The following MARK3 variants were observed in gnomAD, a reference collection of about 807,000 sequenced individuals.
The protein encoded by MARK3 is MAP/microtubule affinity-regulating kinase 3.
In MARK3, 46 loss-of-function variants were observed where a neutral mutation model predicts 90.1. The ratio of observed to expected loss-of-function variants is 0.51; its 90% confidence interval spans 0.40 to 0.65. The LOEUF (loss-of-function observed/expected upper bound fraction) is 0.65. Ranked by LOEUF, MARK3 falls within the 30% of genes least tolerant of loss-of-function variation. The pLI is 0.00. For synonymous variants in MARK3, 321 were observed against 332.6 expected, an observed-to-expected ratio of 0.97 and a Z score of 0.38; for missense variants, 818 against 947.2, an observed-to-expected ratio of 0.86 and a Z score of 1.79.
chr14:103,393,559 T>G (rs1367567607), intron 1 of MARK3, among the ~76,000 whole-genome samples: 1 of 152,202 alleles, frequency 6.6e-6, no homozygotes, highest in Non-Finnish European at 1.5e-5. Context: ...TTATCTTATG[T>G]ATGTAAATGA....
rs1555396272 is a variant in MARK3 at position 103,470,453 on chromosome 14, C to CTTTTTTTTTTTTTTTTT, written c.1264+2268_1264+2269insTTTTTTTTTTTTTTTTT. ...CTATTCCAGGATTCAGGAACTAAATCTATTTTTTTTTTTTTTTTTGAGATG... is the reference window on the plus strand; with the variant it reads ...CTATTCCAGGATTCAGGAACTAAATCTTTTTTTTTTTTTTTTTTATTTTTTTTTTTTTTTTTGAGATG... On this transcript the variant is annotated intron_variant, in intron 12 of 17. Transcript: ENST00000429436. Among the ~76,000 whole-genome samples, 155 of 24,116 alleles carry CTTTTTTTTTTTTTTTTT rather than the reference C, an allele frequency of 6.4e-3. 3 individuals carry two copies. Among genetic ancestry groups the CTTTTTTTTTTTTTTTTT allele is most frequent in the East Asian group, 0.022 (9 of 402 alleles). The allele number at this position is 24,116 out of a possible 152,430, so 15.8% of individuals were successfully genotyped here.
intron 2 of MARK3, among the ~76,000 whole-genome samples, chr14:103,406,449 C>G (rs1370657815): frequency 6.7e-6 from 1 of 149,414 alleles, no homozygotes; most frequent in East Asian, 2.0e-4. Context: ...GTTAGTCAGG[C>G]TGGTTTCAAA....
At chr14:103,474,885 T>C (rs2093689159) in intron 12 of MARK3, 108 bp from the exon 13 acceptor site, 2 of 807,482 alleles carry the variant, frequency 2.5e-6, no homozygotes, top group Non-Finnish European at 1.9e-6. Context: ...TGTTTTACAT[T>C]TTTTAGGTGA....
intron 3 of MARK3, among the ~76,000 whole-genome samples, chr14:103,445,319 C>T (rs552823394): frequency 4.6e-5 from 7 of 152,264 alleles, no homozygotes; most frequent in South Asian, 4.1e-4. Context: ...TGGCTCTATG[C>T]GTCAGACACA....
At chr14:103,502,573 T>C (rs1010484196) in intron 17 of MARK3, among the ~76,000 whole-genome samples, 2 of 152,230 alleles carry the variant, frequency 1.3e-5, no homozygotes, top group Non-Finnish European at 2.9e-5. Context: ...GAGTGGGGCA[T>C]GCTGTCCTTT....
chr14:103,487,861 A>T (rs2093956279), intron 14 of MARK3, among the ~76,000 whole-genome samples: 1 of 152,114 alleles, frequency 6.6e-6, no homozygotes, highest in Admixed American at 6.5e-5. Context: ...ACCCTGGCTA[A>T]CATGGTGAAA....
intron 3 of MARK3, among the ~76,000 whole-genome samples, chr14:103,436,889 G>C (rs909656506): frequency 6.6e-6 from 1 of 152,152 alleles, no homozygotes; most frequent in Non-Finnish European, 1.5e-5. Flanking sequence ...TCTGGAATTC[G>C]AGACTAGCCT....
At chr14:103,408,009 C>T (rs1023101739) in intron 2 of MARK3, among the ~76,000 whole-genome samples, 3 of 152,182 alleles carry the variant, frequency 2.0e-5, no homozygotes, top group Admixed American at 6.5e-5. Flanking sequence ...AATCCCGATA[C>T]TCCCCTTATA....
chr14:103,466,115 C>T (rs1251801368), intron 9 of MARK3, 24 bp downstream of exon 9: 2 of 1,611,146 alleles, frequency 1.2e-6, no homozygotes, highest in Non-Finnish European at 1.7e-6. Context: ...TGGAAACAAG[C>T]AGTAACTTTG....
At chr14:103,421,242 A>G (rs1030069634) in intron 2 of MARK3, among the ~76,000 whole-genome samples, 2 of 152,218 alleles carry the variant, frequency 1.3e-5, no homozygotes, top group Non-Finnish European at 2.9e-5. Context: ...ACATAAAACA[A>G]ACTTATGTAT....
At chr14:103,416,176 A>G (rs1294004342) in intron 2 of MARK3, among the ~76,000 whole-genome samples, 2 of 152,178 alleles carry the variant, frequency 1.3e-5, no homozygotes, top group Non-Finnish European at 2.9e-5. Context: ...TTATCTTTCA[A>G]ATATTTTGCA....
In MARK3 at chr14:103,470,677, G is replaced by A. The variant is rs557635704; in HGVS notation, c.1264+2491G>A. ...CACCACATTTGGCCAGGCTGGTCCCGAACTCCTGAACTCAGGTGATCCATC... is the reference window on the plus strand; with the variant it reads ...CACCACATTTGGCCAGGCTGGTCCCAAACTCCTGAACTCAGGTGATCCATC... On this transcript the variant is annotated intron_variant, in intron 12 of 17. Coordinates refer to ENST00000429436, the MANE Select transcript of MARK3 (RefSeq NM_001128918.3). Among the ~76,000 whole-genome samples, 6 of 151,506 alleles carry A rather than the reference G, an allele frequency of 4.0e-5. No individual in the cohort carries two copies. The South Asian group carries it at 8.4e-4, about 21-fold the overall frequency.
chr14:103,491,918 A>G lies in MARK3; in HGVS notation c.1728A>G (p.Thr576=), dbSNP rs2094023280. 2 of 1,614,188 alleles carry G rather than the reference A, an allele frequency of 1.2e-6. No individual in the cohort carries two copies. The highest frequency in any genetic ancestry group is 1.7e-6 in the Non-Finnish European group (2 of 1,180,042). The change falls in exon 15 of 18, where the codon ACA becomes ACG. Residue 576 remains threonine (T), a synonymous_variant. Coordinates refer to ENST00000429436, the MANE Select transcript of MARK3 (RefSeq NM_001128918.3). The stretch of plus-strand genomic sequence containing the variant: ...AGCCCCGGGAACGGCGAACCGCAAC[A>G]TATAATGGCCCTCCTGCCTCTCCCA... ...HGQPRERRTA[T]YNGPPASPSL... is the part of the protein sequence containing the mutation.
intron 2 of MARK3, among the ~76,000 whole-genome samples, chr14:103,408,433 C>T (rs2091442637): frequency 6.6e-6 from 1 of 152,230 alleles, no homozygotes; most frequent in South Asian, 2.1e-4. Context: ...AGGTGATCCA[C>T]CCACCTCAGC....
chr14:103,493,095 A>G (rs35126287), intron 15 of MARK3, among the ~76,000 whole-genome samples: 43,502 of 151,984 alleles, frequency 0.29, 7,305 homozygotes, highest in Non-Finnish European at 0.36. Flanking sequence ...CCTATGGCCT[A>G]TAGCCTATTA....
intron 12 of MARK3, chr14:103,469,201 AGATGGAATCTG>A (rs977052332): frequency 1.3e-5 from 2 of 151,398 alleles, no homozygotes; most frequent in Non-Finnish European, 2.9e-5. Context: ...TTTATTTTTC[AGATGGAATCTG>A]GCTCTGTCGC....
rs112651811 is a variant in MARK3 at position 103,501,352 on chromosome 14, C to T, written c.1916+1152C>T. 1.3e-3 allele frequency among the ~76,000 whole-genome samples: 204 copies of T among 152,326 alleles called. 1 individual carries two copies. Among genetic ancestry groups the T allele is most frequent in the African/African-American group, 4.7e-3 (195 of 41,574 alleles). ...TTCCCCACCCATAATAGGAAGGTGACATAATAGGACCTACGTGGGCATCAA... is the reference window on the plus strand; with the variant it reads ...TTCCCCACCCATAATAGGAAGGTGATATAATAGGACCTACGTGGGCATCAA... On this transcript the variant is annotated intron_variant, in intron 17 of 17. Coordinates refer to ENST00000429436, the MANE Select transcript of MARK3 (RefSeq NM_001128918.3).
At chr14:103,498,408 T>C (rs2075462433) in intron 15 of MARK3, 94 bp from the exon 16 acceptor site, 2 of 937,686 alleles carry the variant, frequency 2.1e-6, no homozygotes, top group Non-Finnish European at 2.9e-6. Flanking sequence ...TGCTTTGTTT[T>C]TTTTCTTTCT....
At position 103,503,110 on chromosome 14, in the gene MARK3, G is replaced by C. The variant is rs1566954255; in HGVS notation, c.2145G>C (p.Met715Ile). The change falls in exon 18 of 18, where the codon ATG becomes ATC. Residue 715 changes from methionine to isoleucine, a missense_variant. Transcript: ENST00000429436. The part of the protein sequence containing the change: ...GHAENLVQWE[M>I]EVCKLPRLSL... ...CGGAGAACCTCGTGCAGTGGGAAAT[G>C]GAAGTGTGCAAGCTGCCAAGACTGT... 3.1e-6 allele frequency: 5 copies of C among 1,614,114 alleles called. No individual in the cohort carries two copies. Among genetic ancestry groups the C allele is most frequent in the African/African-American group, 1.3e-5 (1 of 74,940 alleles).
Sources: gnomAD v4.1 joint callset for allele counts (sites outside exome capture counted in the v4.1 genomes callset) on GRCh38, gnomAD v4.1.1 for gene constraint, MANE v1.5 for transcripts, NCBI Gene and HGNC (gene_info 2026-07-23, HGNC 2026-07-21) for gene names.